FAM135B: variants seen among roughly 807,000 people sequenced by gnomAD.
The protein encoded by FAM135B is family with sequence similarity 135 member B.
A neutral mutation model predicts 127.7 loss-of-function variants in FAM135B; 43 were observed. That is an observed-to-expected ratio of 0.34 (90% CI 0.26 to 0.43). The LOEUF is 0.43. Among genes scored for constraint, FAM135B ranks in the 20% least tolerant of loss-of-function variants. FAM135B has a pLI of 1.00. For synonymous variants in FAM135B, 670 were observed against 665.1 expected, an observed-to-expected ratio of 1.01 and a Z score of -0.11; for missense variants, 1,558 against 1,725.6, an observed-to-expected ratio of 0.90 and a Z score of 1.72.
intron 2 of FAM135B, among the ~76,000 whole-genome samples, chr8:138,317,088 A>G (rs1827157219): frequency 6.6e-6 from 1 of 152,216 alleles, no homozygotes; most frequent in African/African-American, 2.4e-5. Context: ...CTTGTTCAAA[A>G]TGTTTAGAGA....
intron 1 of FAM135B, among the ~76,000 whole-genome samples, chr8:138,488,155 T>C (rs1213340922): frequency 6.6e-6 from 1 of 152,072 alleles, no homozygotes; most frequent in Admixed American, 6.5e-5. Flanking sequence ...GAACTGTAAA[T>C]GGTGCTTAAA....
At chr8:138,185,696 T>G (rs1442799136) in intron 9 of FAM135B, among the ~76,000 whole-genome samples, 1 of 152,172 alleles carries the variant, frequency 6.6e-6, no homozygotes, top group African/African-American at 2.4e-5. Context: ...AGAAGTTTAC[T>G]GGGGGGCAAC....
At chr8:138,133,929 T>A (rs6577875) in intron 19 of FAM135B, among the ~76,000 whole-genome samples, 123,460 of 151,894 alleles carry the variant, frequency 0.81, 50,503 homozygotes, top group East Asian at 1. Context: ...AAGGGAATTG[T>A]AACGTGAAAT....
chr8:138,367,029 T>G (rs1258829259), intron 2 of FAM135B, among the ~76,000 whole-genome samples: 1 of 152,104 alleles, frequency 6.6e-6, no homozygotes, highest in Non-Finnish European at 1.5e-5. Context: ...CCAAGCCACA[T>G]CTAACTCAGT....
chr8:138,178,405 G>A (rs779314274), intron 10 of FAM135B, 130 bp downstream of exon 10: 20 of 1,030,392 alleles, frequency 1.9e-5, no homozygotes, highest in Non-Finnish European at 2.7e-5. Flanking sequence ...CACCCTGCAC[G>A]GTCATGGTAG....
intron 1 of FAM135B, among the ~76,000 whole-genome samples, chr8:138,386,235 AC>A (rs1174335259): frequency 1.3e-5 from 2 of 151,924 alleles, no homozygotes; most frequent in South Asian, 2.1e-4. Context: ...AAAAAAAAAA[AC>A]AAAAACAAAA....
At chr8:138,231,426 A>G (rs1819899024) in intron 7 of FAM135B, among the ~76,000 whole-genome samples, 1 of 152,216 alleles carries the variant, frequency 6.6e-6, no homozygotes, top group Non-Finnish European at 1.5e-5. Flanking sequence ...GGTTTAACAT[A>G]ACCGTTGTCC....
At chr8:138,270,173 C>T (rs1823265163) in intron 3 of FAM135B, among the ~76,000 whole-genome samples, 1 of 152,108 alleles carries the variant, frequency 6.6e-6, no homozygotes, top group African/African-American at 2.4e-5. Context: ...GAGAGCCCAT[C>T]ACTGGAGGGC....
chr8:138,384,950 G>A (rs923029009), intron 1 of FAM135B, among the ~76,000 whole-genome samples: 8 of 152,154 alleles, frequency 5.3e-5, no homozygotes, highest in South Asian at 2.1e-4. Context: ...GCGACCTCTC[G>A]TTCCTTCAGT....
intron 2 of FAM135B, among the ~76,000 whole-genome samples, chr8:138,362,646 G>C (rs1830502439): frequency 6.6e-6 from 1 of 152,058 alleles, no homozygotes; most frequent in Admixed American, 6.6e-5. Flanking sequence ...GAGAGTCTTG[G>C]GGACGTTTCG....
At chr8:138,316,746 C>T (rs1225804945) in intron 2 of FAM135B, among the ~76,000 whole-genome samples, 1 of 151,768 alleles carries the variant, frequency 6.6e-6, no homozygotes, top group African/African-American at 2.4e-5. Context: ...TTTGGGAGGC[C>T]AAGGCAGGTA....
At chr8:138,391,213 G>C (rs898534827) in intron 1 of FAM135B, among the ~76,000 whole-genome samples, 1 of 151,992 alleles carries the variant, frequency 6.6e-6, no homozygotes, top group South Asian at 2.1e-4. Context: ...AGAGACTGGT[G>C]AAATGCAGGG....
At chr8:138,312,346 G>C (rs1858419) in intron 2 of FAM135B, among the ~76,000 whole-genome samples, 1 of 152,100 alleles carries the variant, frequency 6.6e-6, no homozygotes, top group Non-Finnish European at 1.5e-5. Context: ...CACAACAAAA[G>C]CTCTAACTGT....
chr8:138,235,025 T>G (rs1291433261), intron 7 of FAM135B, among the ~76,000 whole-genome samples: 1 of 152,238 alleles, frequency 6.6e-6, no homozygotes, highest in African/African-American at 2.4e-5. Context: ...TAATTCAGAC[T>G]GGACCATATT....
chr8:138,394,536 C>T (rs1350356351), intron 1 of FAM135B, among the ~76,000 whole-genome samples: 3 of 152,186 alleles, frequency 2.0e-5, no homozygotes, highest in African/African-American at 7.2e-5. Flanking sequence ...TACTCTACTG[C>T]CTGCTCTTGT....
chr8:138,411,151 T>C (rs1221793605), intron 1 of FAM135B, among the ~76,000 whole-genome samples: 1 of 150,742 alleles, frequency 6.6e-6, no homozygotes, highest in African/African-American at 2.5e-5. Flanking sequence ...TTAAAGTTCA[T>C]ATGGAACCAA....
chr8:138,393,845 A>G (rs535645102), intron 1 of FAM135B, among the ~76,000 whole-genome samples: 1 of 152,272 alleles, frequency 6.6e-6, no homozygotes, highest in African/African-American at 2.4e-5. Context: ...AAGACAGAAC[A>G]AACATTCTGA....
chr8:138,320,325 A>C, intron 2 of FAM135B, among the ~76,000 whole-genome samples: 1 of 152,234 alleles, frequency 6.6e-6, no homozygotes, highest in East Asian at 1.9e-4. Context: ...TAATTTGCCC[A>C]CAGTCACATA....
At chr8:138,196,277 T>C (rs1166689031) in intron 8 of FAM135B, among the ~76,000 whole-genome samples, 1 of 152,240 alleles carries the variant, frequency 6.6e-6, no homozygotes, top group Non-Finnish European at 1.5e-5. Context: ...TCTGATTCTG[T>C]GCAGGTCATT....
Sources: gnomAD v4.1 joint callset for allele counts (sites outside exome capture counted in the v4.1 genomes callset) on GRCh38, gnomAD v4.1.1 for gene constraint, MANE v1.5 for transcripts, NCBI Gene and HGNC (gene_info 2026-07-23, HGNC 2026-07-21) for gene names.